ADGRV1: variants seen among roughly 807,000 people sequenced by gnomAD.
ADGRV1 encodes G-protein coupled receptor 98.
In ADGRV1, 359 loss-of-function variants were observed where a neutral mutation model predicts 596.2. The observed-to-expected ratio is 0.60, with a 90% CI of 0.55 to 0.66. ADGRV1 has a LOEUF of 0.66. Ranked by LOEUF, ADGRV1 falls within the 30% of genes least tolerant of loss-of-function variation. The pLI is 0.00. For synonymous variants in ADGRV1, 2,681 were observed against 2,679.2 expected, an observed-to-expected ratio of 1.00 and a Z score of -0.02; for missense variants, 7,274 against 7,575.6, an observed-to-expected ratio of 0.96 and a Z score of 1.48.
At position 90,854,128 on chromosome 5, in the gene ADGRV1, A is replaced by C. The variant is rs780043019; in HGVS notation, c.17521A>C (p.Arg5841=). 9 of 1,576,966 alleles carry C rather than the reference A, an allele frequency of 5.7e-6. No homozygotes were observed. Among genetic ancestry groups the C allele is most frequent in the Non-Finnish European group, 7.8e-6 (9 of 1,158,916 alleles). ...LLTNDNEVLY[R]IYAAEPRIIP... ...GACTAATGACAATGAGGTTCTCTACAGGATTTATGCTGCTGAGCCTAGAAT... is the reference window on the plus strand; with the variant it reads ...GACTAATGACAATGAGGTTCTCTACCGGATTTATGCTGCTGAGCCTAGAAT... The change falls in exon 81 of 90, where the codon AGG becomes CGG. Residue 5841 remains arginine, a synonymous_variant. Coordinates refer to ENST00000405460, the MANE Select transcript of ADGRV1 (RefSeq NM_032119.4).
chr5:90,783,732 T>A, intron 66 of ADGRV1, 106 bp from the exon 67 acceptor site: 1 of 748,170 alleles, frequency 1.3e-6, no homozygotes, highest in East Asian at 2.7e-5. Context: ...GTGTGACTAC[T>A]GTGCCTTGAA....
chr5:90,763,116 C>G (rs779640000), intron 58 of ADGRV1, 189 bp from the exon 59 acceptor site: 85 of 488,030 alleles, frequency 1.7e-4, no homozygotes, highest in Non-Finnish European at 2.7e-4. Context: ...CAGGAAATGC[C>G]AACTAGTTGA....
intron 87 of ADGRV1, among the ~76,000 whole-genome samples, chr5:91,112,514 C>G (rs867284519): frequency 6.6e-6 from 1 of 152,136 alleles, no homozygotes; most frequent in Non-Finnish European, 1.5e-5. Context: ...AAACAAGATG[C>G]GTACGTCCTC....
chr5:90,644,219 G>A (rs2366775), intron 14 of ADGRV1, among the ~76,000 whole-genome samples: 3 of 151,884 alleles, frequency 2.0e-5, no homozygotes, highest in African/African-American at 7.3e-5. Context: ...AGCATATGCA[G>A]TGCAACTCAA....
chr5:91,102,215 C>G lies in ADGRV1; in HGVS notation c.18311-4C>G. 6.3e-7 allele frequency: 1 copy of G among 1,597,596 alleles called. No individual in the cohort carries two copies. Among genetic ancestry groups the G allele is most frequent in the South Asian group, 1.1e-5 (1 of 88,806 alleles). ...CTCAAAAATTCTTTTTTTTTTATTT[C>G]TAGAAATTCCACTGATTTTATATCT... On this transcript the variant is annotated splice_region_variant and splice_polypyrimidine_tract_variant and intron_variant, in intron 86 of 89. Transcript: ENST00000405460.
intron 78 of ADGRV1, among the ~76,000 whole-genome samples, chr5:90,848,234 A>G (rs1485934574): frequency 6.6e-6 from 1 of 152,200 alleles, no homozygotes; most frequent in Non-Finnish European, 1.5e-5. Flanking sequence ...TGCCACTATT[A>G]TAAACAAATA....
intron 85 of ADGRV1, among the ~76,000 whole-genome samples, chr5:91,035,675 A>G (rs1442941122): frequency 6.6e-6 from 1 of 151,378 alleles, no homozygotes; most frequent in Non-Finnish European, 1.5e-5. Context: ...GAAATCATGT[A>G]TCTGCCTGCC....
intron 1 of ADGRV1, among the ~76,000 whole-genome samples, chr5:90,608,906 G>T (rs1226822467): frequency 6.6e-6 from 1 of 152,108 alleles, no homozygotes; most frequent in Non-Finnish European, 1.5e-5. Context: ...CCATAATTGT[G>T]TCAACTATTC....
At chr5:90,851,134 T>TGTGTGTGTGTGTGTGTGTGAGAGAGAGA (rs757909771) in intron 79 of ADGRV1, among the ~76,000 whole-genome samples, 6 of 81,496 alleles carry the variant, frequency 7.4e-5, no homozygotes, top group Non-Finnish European at 1.6e-4. Flanking sequence ...TGTGTGTGTG[T>TGTGTGTGTGTGTGTGTGTGAGAGAGAGA]GAGAGAGAGA....
rs779800244 is a variant in ADGRV1 at position 90,684,142 on chromosome 5, T to C, written c.6221T>C (p.Val2074Ala). 7 of 1,613,860 alleles carry C rather than the reference T, an allele frequency of 4.3e-6. No homozygotes were observed. The East Asian group carries it at 1.6e-4, about 36-fold the overall frequency. The change falls in exon 28 of 90, where the codon GTC becomes GCC. Residue 2074 changes from valine (V) to alanine (A), a missense_variant. Transcript: ENST00000405460. The part of the protein sequence containing the change: ...DDDEPERSES[V>A]FIELLNSTLV... Reference sequence around the variant, plus strand: ...GATGAGCCAGAAAGGTCCGAATCTGTCTTTATCGAACTACTCAACTCTACT... The same window carrying C: ...GATGAGCCAGAAAGGTCCGAATCTGCCTTTATCGAACTACTCAACTCTACT...
intron 73 of ADGRV1, among the ~76,000 whole-genome samples, chr5:90,809,293 T>TACACACACAC (rs60659185): frequency 0.18 from 24,152 of 134,448 alleles, 2,628 homozygotes; most frequent in East Asian, 0.41. Flanking sequence ...CGGGCATAAA[T>TACACACACAC]ACACACACAC....
At chr5:90,706,191 T>G in intron 37 of ADGRV1, 40 bp from the exon 38 acceptor site, 1 of 1,563,272 alleles carries the variant, frequency 6.4e-7, no homozygotes, top group Non-Finnish European at 8.7e-7. Context: ...TTGTAAACAT[T>G]TAGATAATTA....
chr5:90,812,087 C>T (rs564646706), intron 74 of ADGRV1, among the ~76,000 whole-genome samples: 1 of 151,868 alleles, frequency 6.6e-6, no homozygotes, highest in African/African-American at 2.4e-5. Flanking sequence ...GCCACCACGC[C>T]CGGCTAATTT....
Position 90,647,510 on chromosome 5 carries a change from T to TGAG in ADGRV1, c.3037_3039dup (p.Arg1013dup), listed in dbSNP as rs1378802119. The TGAG allele has an allele frequency of 6.2e-7, 1 of 1,611,592 alleles. No individual in the cohort carries two copies. The highest frequency in any genetic ancestry group is 8.5e-7 in the Non-Finnish European group (1 of 1,178,396). On this transcript the variant is annotated inframe_insertion, in exon 17 of 90. Coordinates refer to ENST00000405460, the MANE Select transcript of ADGRV1 (RefSeq NM_032119.4). ...GTGGATATTTCAGAACCTCGTGTAG[T>TGAG]GAGGGTTCAGGAAGGTGAGACTGCC...
chr5:90,690,491 G>A (rs1393405428), intron 30 of ADGRV1, among the ~76,000 whole-genome samples: 1 of 152,184 alleles, frequency 6.6e-6, no homozygotes, highest in Non-Finnish European at 1.5e-5. Context: ...AATAGCAACT[G>A]CCCCTCTGGA....
intron 84 of ADGRV1, among the ~76,000 whole-genome samples, chr5:90,974,723 A>G (rs375014481): frequency 3.3e-5 from 5 of 152,122 alleles, no homozygotes; most frequent in Admixed American, 6.5e-5. Flanking sequence ...AGACTTAAAT[A>G]TTAGACCTAA....
intron 81 of ADGRV1, 80 bp from the exon 82 acceptor site, chr5:90,855,661 A>C (rs781172811): frequency 1.1e-6 from 1 of 918,248 alleles, no homozygotes; most frequent in Non-Finnish European, 1.6e-6. Context: ...AATTTCAGTA[A>C]GCTATTTTTC....
At chr5:91,013,191 C>T (rs948040892) in intron 85 of ADGRV1, among the ~76,000 whole-genome samples, 2 of 152,034 alleles carry the variant, frequency 1.3e-5, no homozygotes, top group African/African-American at 4.8e-5. Flanking sequence ...TGAACATTCA[C>T]ATGCATGTGT....
chr5:90,615,996 G>A lies in ADGRV1; in HGVS notation c.207+977G>A, dbSNP rs191482432. Among the ~76,000 whole-genome samples the A allele has an allele frequency of 2.8e-3, 429 of 151,842 alleles. 1 individual carries two copies. Among genetic ancestry groups the A allele is most frequent in the Non-Finnish European group, 3.7e-3 (250 of 67,824 alleles). On this transcript the variant is annotated intron_variant, in intron 2 of 89. Coordinates refer to ENST00000405460, the MANE Select transcript of ADGRV1 (RefSeq NM_032119.4). The stretch of plus-strand genomic sequence containing the variant: ...ATATATTTTGATTTTTACCTATTTC[G>A]AATTGTTAAACGATTTTCATAGGCT...
Sources: gnomAD v4.1 joint callset for allele counts (sites outside exome capture counted in the v4.1 genomes callset) on GRCh38, gnomAD v4.1.1 for gene constraint, MANE v1.5 for transcripts, NCBI Gene and HGNC (gene_info 2026-07-23, HGNC 2026-07-21) for gene names.